Variants in ATL2 observed in about 807,000 individuals in gnomAD.
ATL2 encodes the protein atlastin GTPase 2.
A neutral mutation model predicts 73.9 loss-of-function variants in ATL2; 31 were observed. That is an observed-to-expected ratio of 0.42 (90% confidence interval 0.32 to 0.57). The LOEUF (loss-of-function observed/expected upper bound fraction) is 0.57. Among genes scored for constraint, ATL2 ranks in the 20% least tolerant of loss-of-function variants. The pLI is 0.14. For synonymous variants in ATL2, 291 were observed against 237.5 expected, an observed-to-expected ratio of 1.23 and a Z score of -2.07; for missense variants, 738 against 702.6, an observed-to-expected ratio of 1.05 and a Z score of -0.57.
At chr2:38,356,945 G>A (rs1053783715) in intron 1 of ATL2, among the ~76,000 whole-genome samples, 4 of 152,212 alleles carry the variant, frequency 2.6e-5, no homozygotes, top group East Asian at 3.9e-4. Context: ...AGTATTTTAC[G>A]ACAGGTTTTT....
rs76061537 is a variant in ATL2, at chr2:38,345,361, C to T, written c.119-1849G>A. 7.5e-3 allele frequency among the ~76,000 whole-genome samples: 1,138 copies of T among 152,298 alleles called. 17 individuals are homozygous for T. The highest frequency in any genetic ancestry group is 0.026 in the African/African-American group (1,061 of 41,566). On this transcript the variant is annotated intron_variant, in intron 1 of 12. Coordinates refer to ENST00000378954, the MANE Select transcript of ATL2 (RefSeq NM_001135673.4). ...TCACAGAGCAAAGATTATATAACTACATTAGTGGATTTTTAATCTTATTAC... is the reference window on the plus strand; with the variant it reads ...TCACAGAGCAAAGATTATATAACTATATTAGTGGATTTTTAATCTTATTAC...
intron 9 of ATL2, chr2:38,300,570 A>C (rs1228422402): frequency 8.4e-6 from 3 of 358,184 alleles, no homozygotes; most frequent in Non-Finnish European, 1.5e-5. Flanking sequence ...ACTCAAAGTT[A>C]GATATAAAAT....
intron 2 of ATL2, among the ~76,000 whole-genome samples, chr2:38,323,087 C>T (rs1234557186): frequency 1.3e-5 from 2 of 152,144 alleles, no homozygotes; most frequent in African/African-American, 2.4e-5. Flanking sequence ...AATAAACATT[C>T]CTGCCCACAA....
At chr2:38,300,524 A>G in intron 9 of ATL2, 196 bp from the exon 10 acceptor site, 1 of 431,926 alleles carries the variant, frequency 2.3e-6, no homozygotes, top group African/African-American at 2.0e-5. Flanking sequence ...ATAATATCCT[A>G]GGTATTTCTA....
chr2:38,376,176 C>A (rs765279682), intron 1 of ATL2: 28 of 1,521,986 alleles, frequency 1.8e-5, no homozygotes, highest in Non-Finnish European at 2.5e-5. Flanking sequence ...TTCTTAAGTA[C>A]CATCAAAATT....
chr2:38,348,466 CAA>C (rs57894810), intron 1 of ATL2, among the ~76,000 whole-genome samples: 10 of 134,168 alleles, frequency 7.5e-5, no homozygotes, highest in African/African-American at 1.6e-4. Flanking sequence ...AACTCCATCT[CAA>C]AAAAAAAAAA....
intron 1 of ATL2, among the ~76,000 whole-genome samples, chr2:38,355,806 TCTC>T: frequency 6.6e-6 from 1 of 151,712 alleles, no homozygotes; most frequent in East Asian, 1.9e-4. Flanking sequence ...TACAAGCAAT[TCTC>T]CTGCCTCAGC....
intron 7 of ATL2, among the ~76,000 whole-genome samples, chr2:38,310,975 G>A (rs1417665777): frequency 6.6e-6 from 1 of 152,008 alleles, no homozygotes; most frequent in Non-Finnish European, 1.5e-5. Context: ...CAAGTAAGCT[G>A]CCTGGAACAG....
intron 1 of ATL2, among the ~76,000 whole-genome samples, chr2:38,364,397 G>A (rs1404220355): frequency 2.0e-5 from 3 of 152,218 alleles, no homozygotes; most frequent in Non-Finnish European, 2.9e-5. Flanking sequence ...AACTCAAAGT[G>A]ATGAGTAAGA....
intron 1 of ATL2, among the ~76,000 whole-genome samples, chr2:38,357,466 T>C (rs777910845): frequency 3.4e-5 from 5 of 147,926 alleles, no homozygotes; most frequent in Non-Finnish European, 6.0e-5. Context: ...AAAAAAGAAG[T>C]AGCATGGTGA....
intron 4 of ATL2, among the ~76,000 whole-genome samples, chr2:38,318,089 A>T (rs1464051684): frequency 6.6e-6 from 1 of 152,182 alleles, no homozygotes; most frequent in Non-Finnish European, 1.5e-5. Flanking sequence ...CCCAAAAGCT[A>T]GAGTGTGCAT....
intron 2 of ATL2, among the ~76,000 whole-genome samples, chr2:38,323,317 C>G (rs1406991920): frequency 7.0e-6 from 1 of 143,204 alleles, no homozygotes; most frequent in Non-Finnish European, 1.5e-5. Context: ...GAATAAAACT[C>G]AACTGCAAAA....
intron 1 of ATL2, among the ~76,000 whole-genome samples, chr2:38,352,791 G>C (rs1295895156): frequency 1.1e-4 from 17 of 152,204 alleles, no homozygotes; most frequent in Admixed American, 1.1e-3. Context: ...CTAGAGTAAG[G>C]CCTACTGACA....
intron 7 of ATL2, among the ~76,000 whole-genome samples, chr2:38,312,775 G>A (rs140088593): frequency 9.5e-4 from 144 of 151,318 alleles, no homozygotes; most frequent in African/African-American, 3.4e-3. Context: ...TAAGTTTCCT[G>A]AGGCCTCCCA....
intron 1 of ATL2, among the ~76,000 whole-genome samples, chr2:38,353,357 G>A (rs879711613): frequency 6.6e-5 from 10 of 152,112 alleles, no homozygotes; most frequent in Non-Finnish European, 1.3e-4. Flanking sequence ...GGTAACAGAA[G>A]AAAGTTTGTA....
chr2:38,364,118 C>G (rs1361769208), intron 1 of ATL2, among the ~76,000 whole-genome samples: 2 of 152,016 alleles, frequency 1.3e-5, no homozygotes, highest in African/African-American at 2.4e-5. Context: ...AAAAATTACC[C>G]GGGCGTGGTG....
At chr2:38,334,630 G>A (rs377167495) in intron 2 of ATL2, among the ~76,000 whole-genome samples, 7 of 151,106 alleles carry the variant, frequency 4.6e-5, no homozygotes, top group African/African-American at 7.3e-5. Context: ...CCTGGGAGGC[G>A]GAGGTTGCGG....
At chr2:38,361,647 A>G (rs1254097614) in intron 1 of ATL2, among the ~76,000 whole-genome samples, 1 of 152,198 alleles carries the variant, frequency 6.6e-6, no homozygotes, top group Non-Finnish European at 1.5e-5. Context: ...GATTAATGCA[A>G]TGGCTACTTG....
intron 1 of ATL2, among the ~76,000 whole-genome samples, chr2:38,372,807 T>G (rs918294207): frequency 4.6e-5 from 7 of 152,224 alleles, no homozygotes; most frequent in African/African-American, 1.7e-4. Context: ...GGCAGTGGGT[T>G]AAGCACTTTT....
Sources: gnomAD v4.1 joint callset for allele counts (sites outside exome capture counted in the v4.1 genomes callset) on GRCh38, gnomAD v4.1.1 for gene constraint, MANE v1.5 for transcripts, NCBI Gene and HGNC (gene_info 2026-07-23, HGNC 2026-07-21) for gene names.